The following IQGAP1 variants were observed in gnomAD, a reference collection of about 807,000 sequenced individuals.
The protein encoded by IQGAP1 is IQ motif containing GTPase activating protein 1, also known as ras GTPase-activating-like protein IQGAP1.
Under a neutral mutation model 215.6 loss-of-function variants are expected in IQGAP1, and 66 were observed. That is an observed-to-expected ratio of 0.31 (90% CI 0.25 to 0.38). The LOEUF (loss-of-function observed/expected upper bound fraction) is 0.38, where lower values mean the gene tolerates loss of function less well. Among genes scored for constraint, IQGAP1 ranks in the 10% least tolerant of loss-of-function variants. The pLI is 1.00. For synonymous variants in IQGAP1, 772 were observed against 728.7 expected (o/e 1.06, Z -0.96); for missense variants, 1,712 against 1,997.1 (o/e 0.86, Z 2.72).
intron 18 of IQGAP1, among the ~76,000 whole-genome samples, chr15:90,468,141 C>T (rs917707199): frequency 3.3e-5 from 5 of 151,996 alleles, no homozygotes; most frequent in Non-Finnish European, 5.9e-5. Context: ...ATTCTCGGCT[C>T]ACTGCAACCT....
chr15:90,436,549 A>G (rs938009021), intron 5 of IQGAP1, among the ~76,000 whole-genome samples: 2 of 152,230 alleles, frequency 1.3e-5, no homozygotes, highest in African/African-American at 2.4e-5. Context: ...GAATCCAGAT[A>G]GATTAACATA....
At chr15:90,466,490 G>A (rs915967604) in intron 17 of IQGAP1, 54 bp downstream of exon 17, 1 of 1,397,212 alleles carries the variant, frequency 7.2e-7, no homozygotes, top group Non-Finnish European at 1.0e-6. Flanking sequence ...GAGTATATGA[G>A]GGGACAGATG....
intron 28 of IQGAP1, chr15:90,482,837 A>AGTGAATTTAATTTCAGAGGC (rs1452083428): frequency 2.4e-5 from 13 of 541,172 alleles, no homozygotes; most frequent in Non-Finnish European, 3.1e-5. Context: ...ATGTGTGTTA[A>AGTGAATTTAATTTCAGAGGC]GTGAATTTAA....
At chr15:90,395,646 A>G (rs917399660) in intron 2 of IQGAP1, among the ~76,000 whole-genome samples, 6 of 152,312 alleles carry the variant, frequency 3.9e-5, no homozygotes, top group East Asian at 3.9e-4. Context: ...TATAGGAGCA[A>G]TGAATACCGT....
intron 15 of IQGAP1, among the ~76,000 whole-genome samples, chr15:90,459,622 G>C (rs1965733661): frequency 6.6e-6 from 1 of 152,176 alleles, no homozygotes; most frequent in South Asian, 2.1e-4. Context: ...AGGAAAAATT[G>C]CTTAACATTG....
At chr15:90,401,848 T>G (rs1964809273) in intron 2 of IQGAP1, among the ~76,000 whole-genome samples, 1 of 152,248 alleles carries the variant, frequency 6.6e-6, no homozygotes, top group South Asian at 2.1e-4. Flanking sequence ...CTACTGTTAA[T>G]TAAGCAGAAT....
chr15:90,448,233 C>G (rs1965551661), intron 9 of IQGAP1, among the ~76,000 whole-genome samples: 1 of 152,186 alleles, frequency 6.6e-6, no homozygotes, highest in South Asian at 2.1e-4. Flanking sequence ...ATCTGGACAA[C>G]TACTTGGCAT....
intron 3 of IQGAP1, among the ~76,000 whole-genome samples, chr15:90,428,372 C>T (rs990811331): frequency 3.9e-5 from 6 of 152,080 alleles, no homozygotes; most frequent in African/African-American, 1.4e-4. Flanking sequence ...CCACTGTGCC[C>T]AGCCCTTTGC....
At chr15:90,496,403 A>C (rs1030054350) in intron 36 of IQGAP1, among the ~76,000 whole-genome samples, 1 of 143,444 alleles carries the variant, frequency 7.0e-6, no homozygotes, top group Non-Finnish European at 1.5e-5. Flanking sequence ...TCAGCTCACT[A>C]CAACCTCTGC....
In IQGAP1 at chr15:90,441,686, T is replaced by TA; in HGVS notation, c.828+7dup. 2 of 1,589,668 alleles carry TA rather than the reference T, an allele frequency of 1.3e-6. 1 individual carries two copies. The highest frequency in any genetic ancestry group is 2.2e-5 in the South Asian group (2 of 89,170). On this transcript the variant is annotated splice_region_variant and intron_variant, in intron 8 of 37. Transcript: ENST00000268182. ...AAAATGACAAATGCTAAAAACAGGG[T>TA]AAAAATGCAACATCTATTCTTTCTA...
At chr15:90,473,143 G>A in intron 19 of IQGAP1, 133 bp downstream of exon 19, 1 of 784,636 alleles carries the variant, frequency 1.3e-6, no homozygotes, top group Non-Finnish European at 2.0e-6. Flanking sequence ...TCCTTTGACA[G>A]GTACCTCCTC....
Position 90,452,896 on chromosome 15 carries a change from C to G in IQGAP1, c.1284C>G (p.Leu428=). Residue 428 remains leucine (L), a synonymous_variant, in exon 12 of 38, where the codon CTC becomes CTG. Transcript: ENST00000268182. ...AGGTGTATCCATTTGCCGCCGATCTCTATCAGAAGGAGCTGGCTACCCTGC... is the reference window on the plus strand; with the variant it reads ...AGGTGTATCCATTTGCCGCCGATCTGTATCAGAAGGAGCTGGCTACCCTGC... ...LPQVYPFAAD[L]YQKELATLQR... The G allele has an allele frequency of 3.7e-6, 6 of 1,614,120 alleles. No homozygotes were observed. The highest frequency in any genetic ancestry group is 5.1e-6 in the Non-Finnish European group (6 of 1,180,004).
At chr15:90,443,575 CT>C in intron 9 of IQGAP1, 97 bp downstream of exon 9, 2 of 685,286 alleles carry the variant, frequency 2.9e-6, no homozygotes, top group Non-Finnish European at 4.9e-6. Context: ...GATTTACTTA[CT>C]TTAGACATTC....
intron 25 of IQGAP1, 141 bp from the exon 26 acceptor site, chr15:90,477,524 T>C (rs753376010): frequency 1.5e-5 from 10 of 677,474 alleles, no homozygotes; most frequent in Non-Finnish European, 2.5e-5. Flanking sequence ...CGATTGAGCG[T>C]GCAGCTGCAG....
intron 8 of IQGAP1, among the ~76,000 whole-genome samples, chr15:90,442,557 T>C (rs1965466822): frequency 6.6e-6 from 1 of 152,194 alleles, no homozygotes. Flanking sequence ...TCTCTTATCA[T>C]AGAGCAGGGA....
intron 26 of IQGAP1, among the ~76,000 whole-genome samples, chr15:90,481,469 C>A (rs1299447438): frequency 1.3e-5 from 2 of 152,022 alleles, no homozygotes; most frequent in Non-Finnish European, 2.9e-5. Context: ...GGCCTGCTCC[C>A]TGTCTGCTTT....
intron 2 of IQGAP1, among the ~76,000 whole-genome samples, chr15:90,398,772 G>GCAGGTGGAT (rs1964761673): frequency 6.6e-6 from 1 of 152,094 alleles, no homozygotes; most frequent in African/African-American, 2.4e-5. Flanking sequence ...GGAGGCCAAG[G>GCAGGTGGAT]CAGGTGGATC....
chr15:90,450,635 G>T (rs1596272650), intron 11 of IQGAP1, among the ~76,000 whole-genome samples: 1 of 151,964 alleles, frequency 6.6e-6, no homozygotes, highest in African/African-American at 2.4e-5. Flanking sequence ...TTTGATAAAA[G>T]CCATTTTAAT....
Position 90,486,307 on chromosome 15 carries a change from C to T in IQGAP1, c.4024+175C>T, listed in dbSNP as rs941503365. The T allele has an allele frequency of 1.6e-5, 8 of 505,858 alleles. No homozygotes were observed. In the South Asian group the frequency reaches 2.3e-4, roughly 15 times the overall value. The allele number at this position is 505,858 out of a possible 1,614,324, so 31.3% of individuals were successfully genotyped here. A position where few individuals can be genotyped will look rare whatever the true frequency, so the allele number is the denominator to read the frequency against. The stretch of plus-strand genomic sequence containing the variant: ...GAAAACAACAACAACAACAAAAGCC[C>T]AGATGTGATCAATATCTATAAGGAA... On this transcript the variant is annotated intron_variant, in intron 31 of 37. Transcript: ENST00000268182.
Sources: gnomAD v4.1 joint callset for allele counts (sites outside exome capture counted in the v4.1 genomes callset) on GRCh38, gnomAD v4.1.1 for gene constraint, MANE v1.5 for transcripts, NCBI Gene and HGNC (gene_info 2026-07-23, HGNC 2026-07-21) for gene names.